ARHGAP15: variants seen among roughly 807,000 people sequenced by gnomAD.
ARHGAP15 encodes the protein Rho GTPase activating protein 15.
ARHGAP15 carries 51 observed loss-of-function variants against 63.7 expected under a neutral mutation model. The ratio of observed to expected loss-of-function variants is 0.80; its 90% CI spans 0.64 to 1.01. The LOEUF (loss-of-function observed/expected upper bound fraction) is 1.01, where lower values mean the gene tolerates loss of function less well. Among genes scored for constraint, ARHGAP15 ranks in the 50% least tolerant of loss-of-function variants. The pLI is 0.00. For missense variants in ARHGAP15, 560 were observed against 564.6 expected (o/e 0.99, Z 0.08); for synonymous variants, 191 against 193.8 (o/e 0.99, Z 0.12).
At chr2:143,716,078 A>G (rs1364244317) in intron 13 of ARHGAP15, among the ~76,000 whole-genome samples, 1 of 152,174 alleles carries the variant, frequency 6.6e-6, no homozygotes, top group South Asian at 2.1e-4. Context: ...TGGGCTTAAT[A>G]CATAGGTGAT....
intron 11 of ARHGAP15, among the ~76,000 whole-genome samples, chr2:143,566,123 G>A (rs1457269114): frequency 6.6e-6 from 1 of 152,254 alleles, no homozygotes; most frequent in African/African-American, 2.4e-5. Context: ...CAAGCACAAC[G>A]TGAAAATAAA....
chr2:143,158,994 G>A (rs570982508), intron 2 of ARHGAP15, among the ~76,000 whole-genome samples: 37 of 152,024 alleles, frequency 2.4e-4, no homozygotes, highest in Admixed American at 1.2e-3. Flanking sequence ...TCAGGAAACT[G>A]CAGACATATG....
chr2:143,215,741 C>T (rs1166204723), intron 3 of ARHGAP15, among the ~76,000 whole-genome samples: 1 of 152,204 alleles, frequency 6.6e-6, no homozygotes, highest in African/African-American at 2.4e-5. Flanking sequence ...GCAAACACTT[C>T]TGCGGAGTTA....
intron 12 of ARHGAP15, among the ~76,000 whole-genome samples, chr2:143,643,636 A>C (rs947586631): frequency 2.0e-5 from 3 of 151,976 alleles, no homozygotes; most frequent in African/African-American, 7.2e-5. Flanking sequence ...TTTAAGAAGC[A>C]TCTAGTAGCT....
intron 6 of ARHGAP15, among the ~76,000 whole-genome samples, chr2:143,306,551 C>A (rs1683180288): frequency 6.6e-6 from 1 of 152,118 alleles, no homozygotes; most frequent in Non-Finnish European, 1.5e-5. Flanking sequence ...TTGCCTTGCA[C>A]AGTGCCTGGC....
intron 12 of ARHGAP15, among the ~76,000 whole-genome samples, chr2:143,636,336 A>C (rs1275581401): frequency 6.6e-6 from 1 of 152,212 alleles, no homozygotes; most frequent in Non-Finnish European, 1.5e-5. Context: ...GCATCTAAGA[A>C]GAAACCATTA....
Position 143,573,405 on chromosome 2 carries a change from G to A in ARHGAP15, c.1003+16920G>A, listed in dbSNP as rs1204293037. On this transcript the variant is annotated intron_variant, in intron 11 of 13. Coordinates refer to ENST00000295095, the MANE Select transcript of ARHGAP15 (RefSeq NM_018460.4). ...ACTCTAGGAAAATCAAAAATAACATGTAAACTACAAATATGTTAGCCAATT... is the reference window on the plus strand; with the variant it reads ...ACTCTAGGAAAATCAAAAATAACATATAAACTACAAATATGTTAGCCAATT... Among the ~76,000 whole-genome samples the A allele has an allele frequency of 2.0e-5, 3 of 152,174 alleles. No individual in the cohort carries two copies. The East Asian group carries it at 5.8e-4, about 29-fold the overall frequency.
chr2:143,671,927 T>A (rs1682548121), intron 12 of ARHGAP15, among the ~76,000 whole-genome samples: 1 of 152,150 alleles, frequency 6.6e-6, no homozygotes, highest in South Asian at 2.1e-4. Flanking sequence ...TCTTATAAGC[T>A]GAAGATAAGA....
intron 4 of ARHGAP15, among the ~76,000 whole-genome samples, chr2:143,216,976 G>T (rs960073491): frequency 6.6e-6 from 1 of 152,044 alleles, no homozygotes; most frequent in Non-Finnish European, 1.5e-5. Context: ...TTGATAGGAC[G>T]GTAAAGAAAG....
At chr2:143,293,529 C>T (rs546911943) in intron 6 of ARHGAP15, among the ~76,000 whole-genome samples, 13 of 152,170 alleles carry the variant, frequency 8.5e-5, no homozygotes, top group South Asian at 8.3e-4. Flanking sequence ...ATATCCATTT[C>T]GCACAGTTTA....
intron 6 of ARHGAP15, among the ~76,000 whole-genome samples, chr2:143,336,808 GCTTT>G (rs1354656132): frequency 3.3e-5 from 5 of 152,114 alleles, no homozygotes; most frequent in African/African-American, 9.7e-5. Flanking sequence ...AAGACTTTCT[GCTTT>G]CTTTTTGAAT....
At chr2:143,705,010 GTA>G (rs754798127) in intron 13 of ARHGAP15, among the ~76,000 whole-genome samples, 9 of 152,098 alleles carry the variant, frequency 5.9e-5, no homozygotes, top group Non-Finnish European at 1.3e-4. Flanking sequence ...ACATATGTGT[GTA>G]TGGTTGCTTC....
At chr2:143,563,084 G>T (rs1696093629) in intron 11 of ARHGAP15, among the ~76,000 whole-genome samples, 1 of 152,154 alleles carries the variant, frequency 6.6e-6, no homozygotes, top group Non-Finnish European at 1.5e-5. Context: ...AAATGTTGAA[G>T]GATCGACCTC....
At chr2:143,758,486 T>A (rs373051793) in intron 13 of ARHGAP15, among the ~76,000 whole-genome samples, 165 of 152,046 alleles carry the variant, frequency 1.1e-3, no homozygotes, top group African/African-American at 3.8e-3. Context: ...CAAAATAAAA[T>A]GGGTTAAACA....
chr2:143,764,505 A>AAAAG (rs1686882896), intron 13 of ARHGAP15, among the ~76,000 whole-genome samples: 1 of 152,296 alleles, frequency 6.6e-6, no homozygotes, highest in Middle Eastern at 3.4e-3. Context: ...AGGGAAAATA[A>AAAAG]AAAGAATGCT....
intron 9 of ARHGAP15, among the ~76,000 whole-genome samples, chr2:143,491,617 G>T (rs1382104762): frequency 6.6e-6 from 1 of 152,166 alleles, no homozygotes; most frequent in Non-Finnish European, 1.5e-5. Context: ...ATGATAAGGA[G>T]AAGTGCTTTC....
At chr2:143,729,609 G>C (rs1169462168) in intron 13 of ARHGAP15, among the ~76,000 whole-genome samples, 1 of 152,110 alleles carries the variant, frequency 6.6e-6, no homozygotes, top group Non-Finnish European at 1.5e-5. Flanking sequence ...CCAGTGCTTG[G>C]CATGTAGTAG....
At chr2:143,535,060 T>A (rs2105026274) in intron 10 of ARHGAP15, among the ~76,000 whole-genome samples, 1 of 152,294 alleles carries the variant, frequency 6.6e-6, no homozygotes, top group African/African-American at 2.4e-5. Flanking sequence ...ATAAATTATG[T>A]TAAAATAAAT....
At chr2:143,527,098 T>A (rs1694311365) in intron 10 of ARHGAP15, among the ~76,000 whole-genome samples, 1 of 152,112 alleles carries the variant, frequency 6.6e-6, no homozygotes, top group African/African-American at 2.4e-5. Context: ...ATGTTCTTTT[T>A]TAAAGTTTAT....
Sources: gnomAD v4.1 joint callset for allele counts (sites outside exome capture counted in the v4.1 genomes callset) on GRCh38, gnomAD v4.1.1 for gene constraint, MANE v1.5 for transcripts, NCBI Gene and HGNC (gene_info 2026-07-23, HGNC 2026-07-21) for gene names.